The following GTF3C3 variants were observed in gnomAD, a reference collection of about 807,000 sequenced individuals.
The protein encoded by GTF3C3 is general transcription factor IIIC subunit 3, also known as general transcription factor 3C polypeptide 3.
In GTF3C3, 75 loss-of-function variants were observed where a neutral mutation model predicts 105.2. The ratio of observed to expected loss-of-function variants is 0.71; its 90% CI spans 0.59 to 0.86. The LOEUF (loss-of-function observed/expected upper bound fraction) is 0.86, where lower values mean the gene tolerates loss of function less well. Ranked by LOEUF, GTF3C3 falls within the 40% of genes least tolerant of loss-of-function variation. GTF3C3 has a pLI of 0.00. For missense variants in GTF3C3, 856 were observed against 1,076.5 expected (o/e 0.80, Z 2.87); for synonymous variants, 335 against 370.4 (o/e 0.90, Z 1.10).
intron 10 of GTF3C3, chr2:196,777,664 ATT>A (rs1175230262): frequency 6.6e-6 from 1 of 152,170 alleles, no homozygotes; most frequent in African/African-American, 2.4e-5. Flanking sequence ...CTTTAAAAAC[ATT>A]TTGTTATTTT....
intron 8 of GTF3C3, among the ~76,000 whole-genome samples, chr2:196,784,586 T>C (rs978561923): frequency 2.6e-5 from 4 of 152,014 alleles, no homozygotes; most frequent in East Asian, 1.9e-4. Context: ...TCGTTTTTTT[T>C]CCTAAAAAAA....
intron 2 of GTF3C3, among the ~76,000 whole-genome samples, chr2:196,796,548 C>T (rs1295175312): frequency 1.3e-5 from 2 of 152,120 alleles, no homozygotes; most frequent in African/African-American, 4.8e-5. Context: ...TGCAGGATGT[C>T]CAGGTTTGTT....
At chr2:196,774,151 A>C (rs545534185) in intron 13 of GTF3C3, among the ~76,000 whole-genome samples, 5 of 152,342 alleles carry the variant, frequency 3.3e-5, no homozygotes, top group African/African-American at 1.2e-4. Context: ...CTTAAGGAAT[A>C]TCAAAAGCCA....
intron 8 of GTF3C3, chr2:196,780,972 GAA>G (rs1699340444): frequency 5.4e-6 from 1 of 186,668 alleles, no homozygotes; most frequent in Non-Finnish European, 1.1e-5. Flanking sequence ...TTCTTGAATT[GAA>G]AAGTCTCTTT....
At chr2:196,790,441 C>T (rs1699527433) in intron 4 of GTF3C3, among the ~76,000 whole-genome samples, 1 of 152,118 alleles carries the variant, frequency 6.6e-6, no homozygotes, top group Non-Finnish European at 1.5e-5. Flanking sequence ...CATGATTTAG[C>T]TCCCACACCA....
chr2:196,768,636 A>G (rs1033412886), intron 16 of GTF3C3, among the ~76,000 whole-genome samples: 1 of 152,182 alleles, frequency 6.6e-6, no homozygotes, highest in Non-Finnish European at 1.5e-5. Flanking sequence ...CTTCTCAGAA[A>G]CTTTTTTTAT....
At chr2:196,766,923 A>G in intron 16 of GTF3C3, 2 of 361,600 alleles carry the variant, frequency 5.5e-6, no homozygotes, top group Non-Finnish European at 9.9e-6. Context: ...TTAGCTAGGG[A>G]TAAATATTCA....
At position 196,797,865 on chromosome 2, in the gene GTF3C3, T is replaced by C. The variant is rs778755994; in HGVS notation, c.146A>G (p.Asp49Gly). ...KGKLSAEENPDDSEVPSSSGI... is the reference protein window; with the variant it reads ...KGKLSAEENPGDSEVPSSSGI... ...TGATGATGATGGAACTTCAGAGTCA[T>C]CGGGATTTTCTTCAGCTGATAACTT... The change falls in exon 2 of 18, where the codon GAT becomes GGT. Residue 49 changes from aspartate (D) to glycine (G), a missense_variant. Physicochemically the swap from Asp to Gly is moderately conservative, Grantham distance 94. Coordinates refer to ENST00000263956, the MANE Select transcript of GTF3C3 (RefSeq NM_012086.5). 6.2e-7 allele frequency: 1 copy of C among 1,612,814 alleles called. No individual in the cohort carries two copies. Among genetic ancestry groups the C allele is most frequent in the Non-Finnish European group, 8.5e-7 (1 of 1,178,730 alleles).
At chr2:196,794,425 T>A (rs1189687074) in intron 2 of GTF3C3, among the ~76,000 whole-genome samples, 1 of 152,190 alleles carries the variant, frequency 6.6e-6, no homozygotes, top group African/African-American at 2.4e-5. Flanking sequence ...TCTCTCTATA[T>A]ATGTGTTCAA....
rs182338613 is a variant in GTF3C3 at position 196,764,332 on chromosome 2, T to A, written c.*231A>T. 2.7e-6 allele frequency: 1 copy of A among 369,934 alleles called. No individual in the cohort carries two copies. Among genetic ancestry groups the A allele is most frequent in the Admixed American group, 4.1e-5 (1 of 24,654 alleles). 22.9% of individuals were successfully genotyped at this position (369,934 alleles called of 1,614,324 possible). A position where few individuals can be genotyped will look rare whatever the true frequency, so the allele number is the denominator to read the frequency against. On this transcript the variant is annotated 3_prime_UTR_variant, in exon 18 of 18. Transcript: ENST00000263956. Reference sequence around the variant, plus strand: ...ACGTCCATTTCAACATTGGGAACAATTCACTATAGAATGTGAAAGGAAAAT... The same window carrying A: ...ACGTCCATTTCAACATTGGGAACAAATCACTATAGAATGTGAAAGGAAAAT...
intron 2 of GTF3C3, among the ~76,000 whole-genome samples, chr2:196,796,971 TC>T (rs974325512): frequency 1.1e-4 from 16 of 152,156 alleles, no homozygotes; most frequent in African/African-American, 3.6e-4. Context: ...TAGGAACAAA[TC>T]TTGTTTGTTT....
chr2:196,773,206 A>G, intron 13 of GTF3C3, 53 bp from the exon 14 acceptor site: 1 of 993,106 alleles, frequency 1.0e-6, no homozygotes, highest in South Asian at 1.5e-5. Context: ...CAGAAATAGC[A>G]GTATTAGAAA....
At chr2:196,775,780 T>C (rs1576021896) in intron 12 of GTF3C3, among the ~76,000 whole-genome samples, 1 of 152,226 alleles carries the variant, frequency 6.6e-6, no homozygotes, top group South Asian at 2.1e-4. Context: ...TGATAGACCA[T>C]GGTGCTCACT....
At position 196,770,947 on chromosome 2, in the gene GTF3C3, C is replaced by T. The variant is rs568795048; in HGVS notation, c.2260+801G>A. On this transcript the variant is annotated intron_variant, in intron 15 of 17. Coordinates refer to ENST00000263956, the MANE Select transcript of GTF3C3 (RefSeq NM_012086.5). ...TACTGGATGAACGATGATAAAAATACGGGCCATATACAAGGAATCATGAAC... is the reference window on the plus strand; with the variant it reads ...TACTGGATGAACGATGATAAAAATATGGGCCATATACAAGGAATCATGAAC... Among the ~76,000 whole-genome samples, 9 of 152,160 alleles carry T rather than the reference C, an allele frequency of 5.9e-5. No individual in the cohort carries two copies. In the South Asian group the frequency reaches 6.2e-4, roughly 11 times the overall value.
chr2:196,786,613 C>G lies in GTF3C3; in HGVS notation c.894-1025G>C, dbSNP rs1050809181. ...TATTGCTCAGGCAATTGTCTCTTCC[C>G]TCACAAATCTTCAACGTGTCCCTCA... On this transcript the variant is annotated intron_variant, in intron 6 of 17. Coordinates refer to ENST00000263956, the MANE Select transcript of GTF3C3 (RefSeq NM_012086.5). This position sits in a 1 kb window ranked among gnomAD's most constrained non-coding sequence, Gnocchi z 4.2. 5.3e-5 allele frequency among the ~76,000 whole-genome samples: 8 copies of G among 152,080 alleles called. No individual in the cohort carries two copies. Among genetic ancestry groups the G allele is most frequent in the Non-Finnish European group, 1.2e-4 (8 of 68,008 alleles).
Position 196,786,114 on chromosome 2 carries a change from T to C in GTF3C3, c.894-526A>G, listed in dbSNP as rs796774401. Among the ~76,000 whole-genome samples, 26 of 152,290 alleles carry C rather than the reference T, an allele frequency of 1.7e-4. No individual in the cohort carries two copies. The highest frequency in any genetic ancestry group is 6.0e-4 in the African/African-American group (25 of 41,560). The stretch of plus-strand genomic sequence containing the variant: ...GTTGACTGGTCTCACTCTAAACTGA[T>C]GACCAATAGCCTCAAGCAGGTCCAT... On this transcript the variant is annotated intron_variant, in intron 6 of 17. Coordinates refer to ENST00000263956, the MANE Select transcript of GTF3C3 (RefSeq NM_012086.5). The surrounding 1 kb of genome is among the most constrained non-coding windows in gnomAD (Gnocchi z 4.2).
intron 15 of GTF3C3, among the ~76,000 whole-genome samples, chr2:196,770,850 A>AT (rs796551672): frequency 1.6e-4 from 24 of 152,246 alleles, no homozygotes; most frequent in African/African-American, 5.8e-4. Flanking sequence ...AAATATTTTT[A>AT]TTTTCTTAAT....
intron 2 of GTF3C3, among the ~76,000 whole-genome samples, chr2:196,794,342 C>T (rs1032636826): frequency 3.3e-5 from 5 of 152,044 alleles, no homozygotes; most frequent in Non-Finnish European, 5.9e-5. Context: ...AGACATGTAA[C>T]ATATTTCTAG....
In GTF3C3 at chr2:196,766,602, T is replaced by C. The variant is rs1183636034; in HGVS notation, c.2501A>G (p.Tyr834Cys). The C allele has an allele frequency of 1.9e-6, 3 of 1,612,810 alleles. No homozygotes were observed. Among genetic ancestry groups the C allele is most frequent in the East Asian group, 2.2e-5 (1 of 44,876 alleles). ...LGLIHLAIHYYQKALELPPLV... is the reference protein window; with the variant it reads ...LGLIHLAIHYCQKALELPPLV... Reference sequence around the variant, plus strand: ...TGGAGGGAGCTCCAGGGCCTTCTGATAATAGTGGATTGCAAGATGAATCAG... The same window carrying C: ...TGGAGGGAGCTCCAGGGCCTTCTGACAATAGTGGATTGCAAGATGAATCAG... Residue 834 changes from tyrosine (Y) to cysteine (C), a missense_variant, in exon 17 of 18, where the codon TAT (tyrosine) becomes TGT (cysteine). Physicochemically the swap from Tyr to Cys is radical, Grantham distance 194. Transcript: ENST00000263956.
Sources: allele counts gnomAD v4.1 joint callset (sites outside exome capture counted in the v4.1 genomes callset), GRCh38; gene constraint gnomAD v4.1.1; non-coding constraint Gnocchi (gnomAD v3.1); transcripts MANE v1.5; gene names NCBI Gene and HGNC (gene_info 2026-07-23, HGNC 2026-07-21).